FZD6: variants seen among roughly 807,000 people sequenced by gnomAD.
FZD6 encodes the protein frizzled-6.
In FZD6, 49 loss-of-function variants were observed where a neutral mutation model predicts 61.4. The observed-to-expected ratio is 0.80, with a 90% CI of 0.63 to 1.01. The LOEUF (loss-of-function observed/expected upper bound fraction) is 1.01. Ranked by LOEUF, FZD6 falls within the 50% of genes least tolerant of loss-of-function variation. FZD6 has a pLI of 0.00. For missense variants in FZD6, 724 were observed against 848.2 expected (o/e 0.85, Z 1.82); for synonymous variants, 265 against 292.2 (o/e 0.91, Z 0.95).
intron 2 of FZD6, among the ~76,000 whole-genome samples, chr8:103,308,635 A>G (rs1466079244): frequency 4.6e-5 from 7 of 152,170 alleles, no homozygotes; most frequent in Admixed American, 4.6e-4. Flanking sequence ...GGTGTGTTTT[A>G]AGGAAAGAAT....
Position 103,324,559 on chromosome 8 carries a change from A to G in FZD6, c.453A>G (p.Glu151=), listed in dbSNP as rs781609213. Reference sequence around the variant, plus strand: ...TTCTTGGTCCTCAGAAGAAAACAGAACAAGTCCAAAGAGACATTGGATTTT... The same window carrying G: ...TTCTTGGTCCTCAGAAGAAAACAGAGCAAGTCCAAAGAGACATTGGATTTT... ...TEFLGPQKKT[E]QVQRDIGFWC... is the part of the protein sequence containing the mutation. Residue 151 remains glutamate (E), a synonymous_variant, in exon 4 of 7, where the codon GAA becomes GAG. Transcript: ENST00000358755. 12 of 1,612,880 alleles carry G rather than the reference A, an allele frequency of 7.4e-6. No individual in the cohort carries two copies. In the African/African-American group the frequency reaches 8.0e-5, roughly 11 times the overall value.
chr8:103,309,450 T>C lies in FZD6; in HGVS notation c.178-9140T>C, dbSNP rs920845309. Among the ~76,000 whole-genome samples, 4 of 152,294 alleles carry C rather than the reference T, an allele frequency of 2.6e-5. 1 individual carries two copies. The highest frequency in any genetic ancestry group is 2.6e-4 in the Admixed American group (4 of 15,302). ...TTGCTTAAGACAATCCACTGGAAAGTTGAAATGAGCAGGTGGTAGGAACTG... is the reference window on the plus strand; with the variant it reads ...TTGCTTAAGACAATCCACTGGAAAGCTGAAATGAGCAGGTGGTAGGAACTG... On this transcript the variant is annotated intron_variant, in intron 2 of 6. Transcript: ENST00000358755.
At position 103,324,666 on chromosome 8, in the gene FZD6, A is replaced by G. The variant is rs778357612; in HGVS notation, c.560A>G (p.Asn187Ser). The change falls in exon 4 of 7, where the codon AAC (asparagine) becomes AGC (serine). Residue 187 changes from asparagine to serine, a missense_variant. Physicochemically the swap from Asn to Ser is conservative, Grantham distance 46. Coordinates refer to ENST00000358755, the MANE Select transcript of FZD6 (RefSeq NM_003506.4). ...GIDQCAPPCP[N>S]MYFKSDELEF... ...GACCAGTGTGCGCCTCCATGCCCCA[A>G]CATGTATTTTAAAAGTGATGAGCTA... 4 of 1,614,058 alleles carry G rather than the reference A, an allele frequency of 2.5e-6. No individual in the cohort carries two copies. The Admixed American group carries it at 6.7e-5, about 27-fold the overall frequency.
chr8:103,309,203 AGG>A (rs1814426712), intron 2 of FZD6, among the ~76,000 whole-genome samples: 1 of 152,176 alleles, frequency 6.6e-6, no homozygotes, highest in Non-Finnish European at 1.5e-5. Flanking sequence ...ACAAGTTCCT[AGG>A]GGATGCTGAT....
At chr8:103,321,430 A>C (rs781437853) in intron 3 of FZD6, among the ~76,000 whole-genome samples, 1 of 152,186 alleles carries the variant, frequency 6.6e-6, no homozygotes, top group Non-Finnish European at 1.5e-5. Flanking sequence ...TAAGACCTTC[A>C]GGCTTTTGTG....
At chr8:103,299,872 G>A (rs1182844951) in intron 1 of FZD6, 84 bp from the exon 2 acceptor site, 2 of 478,832 alleles carry the variant, frequency 4.2e-6, no homozygotes, top group Non-Finnish European at 7.7e-6. Context: ...TGTTACCTGG[G>A]GTGAAAATCT....
rs139388260 is a variant in FZD6 at position 103,318,604 on chromosome 8, C to T, written c.192C>T (p.Leu64=). The T allele has an allele frequency of 1.9e-5, 30 of 1,603,236 alleles. No homozygotes were observed. Among genetic ancestry groups the T allele is most frequent in the East Asian group, 1.3e-4 (6 of 44,820 alleles). Residue 64 remains leucine (L), a synonymous_variant, in exon 3 of 7, where the codon CTC becomes CTT. Transcript: ENST00000358755. ...AAVEMEHFLP[L]ANLECSPNIE... is the part of the protein sequence containing the mutation. ...GTCTTTAATAGCATTTTCTTCCTCT[C>T]GCAAATCTGGAATGTTCACCAAACA...
At chr8:103,305,942 T>A (rs188839451) in intron 2 of FZD6, among the ~76,000 whole-genome samples, 35 of 152,380 alleles carry the variant, frequency 2.3e-4, no homozygotes, top group African/African-American at 8.2e-4. Flanking sequence ...ATGTAAATAA[T>A]GAAGCTTTAT....
rs1032484941 is a variant in FZD6 at position 103,300,121 on chromosome 8, CA to C, written c.15del (p.Leu7CysfsTer2). The C allele has an allele frequency of 6.3e-7, 1 of 1,595,850 alleles. No homozygotes were observed. Among genetic ancestry groups the C allele is most frequent in the African/African-American group, 1.3e-5 (1 of 74,742 alleles). On this transcript the variant is annotated frameshift_variant, in exon 2 of 7. Transcript: ENST00000358755. LOFTEE classifies it high-confidence loss of function. MEMF[T>X]FLLTCIFLPL... ...AATTTGAAGAAAATGGAAATGTTTACATTTTTGTTGACGTGTATTTTTCTAC... is the reference window on the plus strand; with the variant it reads ...AATTTGAAGAAAATGGAAATGTTTACTTTTTGTTGACGTGTATTTTTCTAC...
chr8:103,308,556 A>C (rs1178313539), intron 2 of FZD6, among the ~76,000 whole-genome samples: 1 of 152,148 alleles, frequency 6.6e-6, no homozygotes. Flanking sequence ...GGGGCCAGCT[A>C]TTGTAAGCCA....
intron 3 of FZD6, among the ~76,000 whole-genome samples, chr8:103,320,484 T>C (rs1814753243): frequency 6.6e-6 from 1 of 151,898 alleles, no homozygotes; most frequent in African/African-American, 2.4e-5. Flanking sequence ...ATGAGAAGGG[T>C]GTTACTGAAA....
chr8:103,312,456 A>G (rs144273638), intron 2 of FZD6, among the ~76,000 whole-genome samples: 4 of 152,354 alleles, frequency 2.6e-5, no homozygotes, highest in East Asian at 1.9e-4. Flanking sequence ...TATTTGCTCA[A>G]TTCATAGATT....
At chr8:103,314,342 A>T (rs1814574803) in intron 2 of FZD6, among the ~76,000 whole-genome samples, 1 of 152,134 alleles carries the variant, frequency 6.6e-6, no homozygotes. Flanking sequence ...ATAGTCAAAA[A>T]ATTTAGGAAC....
chr8:103,298,809 G>GCCT, upstream of FZD6: 1 of 159,636 alleles, frequency 6.3e-6, no homozygotes, highest in Non-Finnish European at 1.3e-5. Flanking sequence ...CGCCGCCGCC[G>GCCT]CGAGCCCGGA....
chr8:103,318,987 TAC>T (rs1394015949), intron 3 of FZD6, among the ~76,000 whole-genome samples: 6 of 152,198 alleles, frequency 3.9e-5, no homozygotes, highest in African/African-American at 1.4e-4. Context: ...TCAGGGAACT[TAC>T]AGTGAGGTGA....
At chr8:103,320,524 G>A (rs1002765696) in intron 3 of FZD6, among the ~76,000 whole-genome samples, 1 of 152,114 alleles carries the variant, frequency 6.6e-6, no homozygotes, top group Non-Finnish European at 1.5e-5. Flanking sequence ...AAATAGATGG[G>A]GAGCGAAATG....
intron 2 of FZD6, among the ~76,000 whole-genome samples, chr8:103,317,648 A>G (rs1190024262): frequency 6.6e-6 from 1 of 152,100 alleles, no homozygotes; most frequent in African/African-American, 2.4e-5. Flanking sequence ...CAACATGGTG[A>G]AACTTCGTCT....
At chr8:103,300,498 A>G (rs1042454480) in intron 2 of FZD6, among the ~76,000 whole-genome samples, 2 of 152,202 alleles carry the variant, frequency 1.3e-5, no homozygotes, top group Non-Finnish European at 2.9e-5. Context: ...AATAGGGTTC[A>G]TTTTATATAA....
chr8:103,309,947 G>A (rs537608033), intron 2 of FZD6, among the ~76,000 whole-genome samples: 2 of 152,228 alleles, frequency 1.3e-5, no homozygotes, highest in South Asian at 4.2e-4. Flanking sequence ...TTGACTTGAT[G>A]CTCCCAAGGC....
Sources: gnomAD v4.1 joint callset for allele counts (sites outside exome capture counted in the v4.1 genomes callset) on GRCh38, gnomAD v4.1.1 for gene constraint, MANE v1.5 for transcripts, NCBI Gene and HGNC (gene_info 2026-07-23, HGNC 2026-07-21) for gene names.